The following DAAM1 variants were observed in gnomAD, a reference collection of about 807,000 sequenced individuals.
DAAM1 encodes disheveled-associated activator of morphogenesis 1.
DAAM1 carries 52 observed loss-of-function variants against 130.0 expected under a neutral mutation model. The observed-to-expected ratio is 0.40, with a 90% CI of 0.32 to 0.50. The LOEUF is 0.50. Among genes scored for constraint, DAAM1 ranks in the 20% least tolerant of loss-of-function variants. DAAM1 has a pLI of 0.61. For missense variants in DAAM1, 1,134 were observed against 1,303.8 expected, an observed-to-expected ratio of 0.87 and a Z score of 2.01; for synonymous variants, 452 against 444.5, an observed-to-expected ratio of 1.02 and a Z score of -0.21.
chr14:59,270,358 G>T (rs563892517), intron 2 of DAAM1, among the ~76,000 whole-genome samples: 1 of 152,314 alleles, frequency 6.6e-6, no homozygotes, highest in Non-Finnish European at 1.5e-5. Context: ...CAGAGATCAC[G>T]TGGCCAGAGA....
chr14:59,300,605 A>G (rs935558957), intron 3 of DAAM1, among the ~76,000 whole-genome samples: 1 of 152,198 alleles, frequency 6.6e-6, no homozygotes, highest in Admixed American at 6.5e-5. Context: ...TATAATAAAT[A>G]CCCATATTTA....
intron 2 of DAAM1, 70 bp from the exon 3 acceptor site, chr14:59,291,147 G>C: frequency 6.4e-6 from 8 of 1,251,286 alleles, no homozygotes; most frequent in Non-Finnish European, 8.8e-6. Context: ...CTTCCTTGAT[G>C]ATACTGATAA....
chr14:59,195,576 A>C (rs1276733510), intron 1 of DAAM1, among the ~76,000 whole-genome samples: 1 of 152,216 alleles, frequency 6.6e-6, no homozygotes, highest in Non-Finnish European at 1.5e-5. Context: ...AAGGTCACCT[A>C]TTAAACTGGT....
At chr14:59,332,414 A>T (rs540551733) in intron 15 of DAAM1, among the ~76,000 whole-genome samples, 68 of 152,238 alleles carry the variant, frequency 4.5e-4, no homozygotes, top group Non-Finnish European at 9.1e-4. Context: ...GATGGAACTT[A>T]GGAGTTTTTA....
At position 59,331,505 on chromosome 14, in the gene DAAM1, C is replaced by T. The variant is rs192117048; in HGVS notation, c.1857C>T (p.Pro619=). The change falls in exon 14 of 25, where the codon CCC becomes CCT. Residue 619 remains proline (P), a synonymous_variant. Transcript: ENST00000360909. The part of the protein sequence containing the change: ...ALKSFNWSKL[P]ENKLEGTVWT... ...AATCCTTCAACTGGTCTAAACTGCC[C>T]GAGGTGAGCCATTTGTTCCAGTTTT... is the stretch of plus-strand genomic sequence containing the variant. 52 of 1,581,432 alleles carry T rather than the reference C, an allele frequency of 3.3e-5. No homozygotes were observed. Among genetic ancestry groups the T allele is most frequent in the East Asian group, 1.6e-4 (7 of 44,424 alleles).
intron 18 of DAAM1, 63 bp from the exon 19 acceptor site, chr14:59,353,813 C>A: frequency 6.6e-7 from 1 of 1,513,410 alleles, no homozygotes; most frequent in Non-Finnish European, 9.1e-7. Flanking sequence ...ACCTCCATAT[C>A]TGTTATTAAG....
chr14:59,242,747 A>G (rs1407890556), intron 1 of DAAM1, among the ~76,000 whole-genome samples: 4 of 152,032 alleles, frequency 2.6e-5, no homozygotes, highest in African/African-American at 7.3e-5. Context: ...TTTAGTAGAA[A>G]CAGGGTTTCA....
chr14:59,322,940 C>T lies in DAAM1; in HGVS notation c.489C>T (p.Asn163=), dbSNP rs138885144. The change falls in exon 6 of 25, where the codon AAC becomes AAT. Residue 163 remains asparagine (N), a synonymous_variant. Transcript: ENST00000360909. ...IDLDGLSCIL[N]FLKTMDYETS... is the part of the protein sequence containing the mutation. Reference sequence around the variant, plus strand: ...TGGATGGCCTATCATGTATCCTCAACTTTCTAAAGACCATGGACTACGAGA... The same window carrying T: ...TGGATGGCCTATCATGTATCCTCAATTTTCTAAAGACCATGGACTACGAGA... The T allele has an allele frequency of 4.0e-5, 64 of 1,613,948 alleles. No individual in the cohort carries two copies. The African/African-American group carries it at 7.9e-4, about 20-fold the overall frequency.
intron 1 of DAAM1, among the ~76,000 whole-genome samples, chr14:59,225,089 A>G (rs1238602751): frequency 2.3e-5 from 3 of 131,160 alleles, no homozygotes; most frequent in Non-Finnish European, 4.6e-5. Flanking sequence ...GTGCAGTGGC[A>G]TAATCTCGGC....
At chr14:59,302,495 C>G (rs181213278) in intron 3 of DAAM1, among the ~76,000 whole-genome samples, 1 of 152,206 alleles carries the variant, frequency 6.6e-6, no homozygotes, top group Admixed American at 6.5e-5. Flanking sequence ...GCTTGTCACT[C>G]ACGCCTGCAT....
At chr14:59,344,142 G>T (rs962587115) in intron 16 of DAAM1, among the ~76,000 whole-genome samples, 1 of 152,154 alleles carries the variant, frequency 6.6e-6, no homozygotes, top group South Asian at 2.1e-4. Flanking sequence ...GTGTTCTGCC[G>T]TTCTTTTTTT....
chr14:59,210,364 T>C (rs1888391491), intron 1 of DAAM1, among the ~76,000 whole-genome samples: 1 of 152,228 alleles, frequency 6.6e-6, no homozygotes, highest in Admixed American at 6.5e-5. Flanking sequence ...CCTCCCTAGG[T>C]CATTTATATT....
At chr14:59,275,961 G>A (rs1882947167) in intron 2 of DAAM1, among the ~76,000 whole-genome samples, 1 of 152,162 alleles carries the variant, frequency 6.6e-6, no homozygotes, top group Non-Finnish European at 1.5e-5. Flanking sequence ...TCCAAGGTTT[G>A]TTCTCTGTGT....
At chr14:59,194,338 A>C (rs535393781) in intron 1 of DAAM1, among the ~76,000 whole-genome samples, 78 of 152,352 alleles carry the variant, frequency 5.1e-4, no homozygotes, top group African/African-American at 1.8e-3. Context: ...GTGAGATTAA[A>C]AATGTTGTTT....
At chr14:59,232,845 A>G (rs925141339) in intron 1 of DAAM1, among the ~76,000 whole-genome samples, 6 of 151,166 alleles carry the variant, frequency 4.0e-5, no homozygotes, top group Non-Finnish European at 5.9e-5. Flanking sequence ...TCCCTGTGTC[A>G]CGTATTCTCA....
chr14:59,285,944 C>T (rs865793372), intron 2 of DAAM1, among the ~76,000 whole-genome samples: 40 of 152,144 alleles, frequency 2.6e-4, no homozygotes, highest in African/African-American at 9.4e-4. Context: ...CTACAGAACA[C>T]TCCATCCAAC....
rs187166985 is a variant in DAAM1, at chr14:59,223,626, G to T, written c.-38+34858G>T. Among the ~76,000 whole-genome samples, 8 of 152,240 alleles carry T rather than the reference G, an allele frequency of 5.3e-5. No homozygotes were observed. The East Asian group carries it at 1.5e-3, about 29-fold the overall frequency. On this transcript the variant is annotated intron_variant, in intron 1 of 24. Coordinates refer to ENST00000360909, the MANE Select transcript of DAAM1 (RefSeq NM_001270520.2). ...TATTGCAGAGCTTTATCCCATTCTG[G>T]GCCTCATTCAAAACTAGCAGCTCTT...
In DAAM1 at chr14:59,301,162, A is replaced by G. The variant is rs187787811; in HGVS notation, c.273+9856A>G. On this transcript the variant is annotated intron_variant, in intron 3 of 24. Transcript: ENST00000360909. ...AATGTTTCCAGCATAAGAAACTGTCATTAAAGTTTTTCAGTTTTTTCCCAT... is the reference window on the plus strand; with the variant it reads ...AATGTTTCCAGCATAAGAAACTGTCGTTAAAGTTTTTCAGTTTTTTCCCAT... 3.7e-3 allele frequency among the ~76,000 whole-genome samples: 562 copies of G among 152,308 alleles called. 3 individuals carry two copies. Among genetic ancestry groups the G allele is most frequent in the African/African-American group, 0.013 (530 of 41,588 alleles).
chr14:59,331,311 C>A lies in DAAM1; in HGVS notation c.1663C>A (p.Pro555Thr). 7 of 1,612,334 alleles carry A rather than the reference C, an allele frequency of 4.3e-6. No homozygotes were observed. The highest frequency in any genetic ancestry group is 5.9e-6 in the Non-Finnish European group (7 of 1,179,834). ...ATCTCTCCTTCCTCCCCCACCACCC[C>A]CACCTCTACCAGGTGGGATGCTTCC... The part of the protein sequence containing the change: ...PGSLLPPPPP[P>T]PLPGGMLPPP... The change falls in exon 14 of 25, where the codon CCA (proline) becomes ACA (threonine). Residue 555 changes from proline (P) to threonine (T), a missense_variant. Pro to Thr is a conservative substitution (Grantham distance 38, BLOSUM62 -1). This residue lies in a region of DAAM1 where 644 missense variants were observed against 695.9 expected (regional missense o/e 0.93). Coordinates refer to ENST00000360909, the MANE Select transcript of DAAM1 (RefSeq NM_001270520.2).
Sources: allele counts gnomAD v4.1 joint callset (sites outside exome capture counted in the v4.1 genomes callset), GRCh38; gene constraint gnomAD v4.1.1; regional missense constraint gnomAD v4.1.1; transcripts MANE v1.5; gene names NCBI Gene and HGNC (gene_info 2026-07-23, HGNC 2026-07-21).